The following PTPRD variants were observed in gnomAD, a reference collection of about 807,000 sequenced individuals.
The protein encoded by PTPRD is protein tyrosine phosphatase receptor type D.
A neutral mutation model predicts 214.5 loss-of-function variants in PTPRD; 34 were observed. The ratio of observed to expected loss-of-function variants is 0.16; its 90% CI spans 0.12 to 0.21. The LOEUF (loss-of-function observed/expected upper bound fraction) is 0.21. Ranked by LOEUF, PTPRD falls within the 10% of genes least tolerant of loss-of-function variation. PTPRD has a pLI of 1.00. For synonymous variants in PTPRD, 1,128 were observed against 845.7 expected (o/e 1.33, Z -5.79); for missense variants, 2,545 against 2,398.7 (o/e 1.06, Z -1.27).
rs190173997 is a variant in PTPRD at position 8,617,021 on chromosome 9, C to T, written c.352+16296G>A. Among the ~76,000 whole-genome samples the T allele has an allele frequency of 7.9e-5, 12 of 152,194 alleles. No homozygotes were observed. The East Asian group carries it at 2.3e-3, about 30-fold the overall frequency. On this transcript the variant is annotated intron_variant, in intron 14 of 45. Coordinates refer to ENST00000381196, the MANE Select transcript of PTPRD (RefSeq NM_002839.4). ...TATTCGAACACCCCTGTGAGTACAA[C>T]CGTACTCTACTTTCTATAACTGTTG...
chr9:9,348,272 A>ATCT (rs1194280378), intron 9 of PTPRD, among the ~76,000 whole-genome samples: 2 of 152,088 alleles, frequency 1.3e-5, no homozygotes, highest in Non-Finnish European at 2.9e-5. Flanking sequence ...TCCTTTGGTT[A>ATCT]GATAGCTATA....
intron 35 of PTPRD, among the ~76,000 whole-genome samples, chr9:8,426,229 C>T (rs1331457622): frequency 3.3e-5 from 5 of 152,150 alleles, no homozygotes; most frequent in African/African-American, 1.2e-4. Context: ...AGATACTAAT[C>T]TTCTCATCTT....
chr9:9,585,350 G>C lies in PTPRD; in HGVS notation c.-286-10569C>G, dbSNP rs566741010. 2.0e-5 allele frequency among the ~76,000 whole-genome samples: 3 copies of C among 152,158 alleles called. No homozygotes were observed. The East Asian group carries it at 5.8e-4, about 29-fold the overall frequency. ...TTATTCCTATGTGAACTTGTACTTA[G>C]ACACTTGGTTGAAATCTTCATCTTT... On this transcript the variant is annotated intron_variant, in intron 7 of 45. Transcript: ENST00000381196.
intron 5 of PTPRD, among the ~76,000 whole-genome samples, chr9:9,783,410 C>T (rs138848560): frequency 2.0e-5 from 3 of 152,164 alleles, no homozygotes; most frequent in African/African-American, 7.2e-5. Context: ...CTTTGTTAGC[C>T]TACTGAATCA....
intron 9 of PTPRD, among the ~76,000 whole-genome samples, chr9:9,347,898 C>A (rs765377461): frequency 2.6e-5 from 4 of 152,124 alleles, no homozygotes; most frequent in African/African-American, 9.6e-5. Context: ...CCATTAAAAG[C>A]GTCCTATGTC....
intron 3 of PTPRD, among the ~76,000 whole-genome samples, chr9:10,306,498 G>T (rs951977064): frequency 6.6e-6 from 1 of 151,930 alleles, no homozygotes; most frequent in African/African-American, 2.4e-5. Context: ...TATTTTTCCT[G>T]TCACCACACA....
At chr9:8,968,338 C>G (rs1407236349) in intron 11 of PTPRD, among the ~76,000 whole-genome samples, 1 of 152,058 alleles carries the variant, frequency 6.6e-6, no homozygotes, top group African/African-American at 2.4e-5. Flanking sequence ...ACACTGTCTT[C>G]CACAATGGTT....
intron 8 of PTPRD, among the ~76,000 whole-genome samples, chr9:9,497,040 G>C (rs7029052): frequency 0.57 from 86,403 of 152,000 alleles, 26,019 homozygotes; most frequent in African/African-American, 0.76. Flanking sequence ...GGTAGTTAAA[G>C]AGTCAACATC....
At chr9:9,254,126 T>C (rs1022176036) in intron 9 of PTPRD, among the ~76,000 whole-genome samples, 1 of 152,082 alleles carries the variant, frequency 6.6e-6, no homozygotes, top group Non-Finnish European at 1.5e-5. Context: ...TTACATCTTC[T>C]AAGCAAAGAC....
chr9:9,143,647 G>C lies in PTPRD; in HGVS notation c.-143+39657C>G, dbSNP rs139222201. Among the ~76,000 whole-genome samples the C allele has an allele frequency of 1.6e-4, 25 of 152,300 alleles. No homozygotes were observed. The East Asian group carries it at 4.4e-3, about 27-fold the overall frequency. ...GTCTCTTCAAATATCTCTATGTTCA[G>C]AGTTTAGTACATCAGGCATTCACAA... On this transcript the variant is annotated intron_variant, in intron 10 of 45. Transcript: ENST00000381196.
chr9:9,318,834 C>G (rs1232038832), intron 9 of PTPRD, among the ~76,000 whole-genome samples: 2 of 152,086 alleles, frequency 1.3e-5, no homozygotes, highest in African/African-American at 2.4e-5. Context: ...TGTTGACGTT[C>G]AAATGCAATG....
intron 9 of PTPRD, among the ~76,000 whole-genome samples, chr9:9,316,215 C>T (rs1317737614): frequency 6.6e-6 from 1 of 151,874 alleles, no homozygotes; most frequent in Non-Finnish European, 1.5e-5. Context: ...TGATTCTCCA[C>T]CCCTATGTCT....
chr9:9,712,462 G>C (rs2097755262), intron 7 of PTPRD, among the ~76,000 whole-genome samples: 1 of 152,122 alleles, frequency 6.6e-6, no homozygotes, highest in African/African-American at 2.4e-5. Context: ...CTTGCCAAAA[G>C]CATGATGCTC....
chr9:9,284,489 C>G (rs1228107268), intron 9 of PTPRD, among the ~76,000 whole-genome samples: 1 of 151,666 alleles, frequency 6.6e-6, no homozygotes, highest in Non-Finnish European at 1.5e-5. Context: ...ATATTAACTA[C>G]TGAAATTCGC....
intron 2 of PTPRD, among the ~76,000 whole-genome samples, chr9:10,600,324 A>G (rs2133325579): frequency 6.6e-6 from 1 of 151,374 alleles, no homozygotes; most frequent in Non-Finnish European, 1.5e-5. Context: ...TATCATATAC[A>G]CTCTCCCTTT....
chr9:9,090,980 G>A (rs1050695184), intron 10 of PTPRD: 23 of 1,572,838 alleles, frequency 1.5e-5, no homozygotes, highest in African/African-American at 2.7e-5. Flanking sequence ...AACTGTGCCC[G>A]ATGCATGCCC....
chr9:10,575,878 A>T (rs972470991), intron 2 of PTPRD, among the ~76,000 whole-genome samples: 1 of 152,076 alleles, frequency 6.6e-6, no homozygotes, highest in Non-Finnish European at 1.5e-5. Flanking sequence ...CTTTCTGCTA[A>T]TTCCTCTTCC....
intron 11 of PTPRD, among the ~76,000 whole-genome samples, chr9:8,939,727 C>T (rs2099019639): frequency 6.6e-6 from 1 of 152,096 alleles, no homozygotes; most frequent in African/African-American, 2.4e-5. Flanking sequence ...ATATTTTTAT[C>T]TTTCCTTCTA....
intron 7 of PTPRD, among the ~76,000 whole-genome samples, chr9:9,733,084 T>G (rs2098227469): frequency 6.6e-6 from 1 of 152,222 alleles, no homozygotes; most frequent in Non-Finnish European, 1.5e-5. Flanking sequence ...AGTAAAAGCC[T>G]GCACAATGAA....
Sources: allele counts gnomAD v4.1 joint callset (sites outside exome capture counted in the v4.1 genomes callset), GRCh38; gene constraint gnomAD v4.1.1; transcripts MANE v1.5; gene names NCBI Gene and HGNC (gene_info 2026-07-23, HGNC 2026-07-21).